The following TMEM132D variants were observed in gnomAD, a reference collection of about 807,000 sequenced individuals.
The protein encoded by TMEM132D is mature OL transmembrane protein.
Under a neutral mutation model 62.3 loss-of-function variants are expected in TMEM132D, and 21 were observed. That is an observed-to-expected ratio of 0.34 (90% CI 0.24 to 0.49). The LOEUF (loss-of-function observed/expected upper bound fraction) is 0.49, where lower values mean the gene tolerates loss of function less well. TMEM132D is among the 20% of genes least tolerant of loss of function. The probability of loss-of-function intolerance (pLI) is 0.99; values close to 1 mark genes in which losing one functional copy is unlikely to be tolerated. For synonymous variants in TMEM132D, 621 were observed against 575.6 expected (o/e 1.08, Z -1.13); for missense variants, 1,346 against 1,402.8 (o/e 0.96, Z 0.65).
chr12:129,198,235 T>G (rs1878601055), intron 5 of TMEM132D, among the ~76,000 whole-genome samples: 1 of 152,190 alleles, frequency 6.6e-6, no homozygotes, highest in Non-Finnish European at 1.5e-5. Context: ...GGTGGTACAG[T>G]CATTATGGAG....
At chr12:129,800,330 G>C (rs1186774459) in intron 1 of TMEM132D, among the ~76,000 whole-genome samples, 2 of 151,430 alleles carry the variant, frequency 1.3e-5, no homozygotes, top group Non-Finnish European at 2.9e-5. Context: ...TGCGGGCAGA[G>C]AGTGTCAAAA....
intron 5 of TMEM132D, among the ~76,000 whole-genome samples, chr12:129,114,178 T>G (rs1320531797): frequency 2.0e-5 from 3 of 152,202 alleles, no homozygotes; most frequent in Non-Finnish European, 4.4e-5. Flanking sequence ...GCCAGGGATC[T>G]TTGGATGGGA....
intron 5 of TMEM132D, among the ~76,000 whole-genome samples, chr12:129,177,650 T>A (rs908896984): frequency 6.6e-6 from 1 of 152,192 alleles, no homozygotes; most frequent in East Asian, 1.9e-4. Context: ...TCCAGCTACT[T>A]GGGAGGCTGA....
intron 2 of TMEM132D, among the ~76,000 whole-genome samples, chr12:129,598,955 A>C (rs1457206965): frequency 6.6e-6 from 1 of 152,174 alleles, no homozygotes; most frequent in Non-Finnish European, 1.5e-5. Flanking sequence ...CTTAGAAATG[A>C]ATATCTAATG....
intron 5 of TMEM132D, among the ~76,000 whole-genome samples, chr12:129,185,773 G>GTCTGTCTA (rs796145548): frequency 1.0e-3 from 140 of 136,018 alleles, no homozygotes; most frequent in Middle Eastern, 3.6e-3. Flanking sequence ...CTGTCTGTCT[G>GTCTGTCTA]TCTATCTATC....
chr12:129,350,069 G>T (rs1869816540), intron 3 of TMEM132D, among the ~76,000 whole-genome samples: 1 of 152,210 alleles, frequency 6.6e-6, no homozygotes, highest in Admixed American at 6.5e-5. Context: ...GGTTCGAGTG[G>T]TCCCTAAGGG....
At chr12:129,317,153 C>T (rs1164951261) in intron 4 of TMEM132D, among the ~76,000 whole-genome samples, 2 of 152,142 alleles carry the variant, frequency 1.3e-5, no homozygotes, top group Non-Finnish European at 2.9e-5. Flanking sequence ...GAGGTACCCT[C>T]GCATTCATCA....
At chr12:129,291,217 G>C (rs536963236) in intron 4 of TMEM132D, among the ~76,000 whole-genome samples, 1 of 152,162 alleles carries the variant, frequency 6.6e-6, no homozygotes, top group African/African-American at 2.4e-5. Flanking sequence ...ATATTATGCA[G>C]CCCTAATTTT....
At chr12:129,304,171 CAG>C (rs1881787704) in intron 4 of TMEM132D, among the ~76,000 whole-genome samples, 1 of 152,244 alleles carries the variant, frequency 6.6e-6, no homozygotes, top group African/African-American at 2.4e-5. Flanking sequence ...AGTCTGTAAG[CAG>C]AGTCATTGAC....
At chr12:129,811,129 T>A (rs1872164139) in intron 1 of TMEM132D, among the ~76,000 whole-genome samples, 1 of 151,848 alleles carries the variant, frequency 6.6e-6, no homozygotes, top group African/African-American at 2.4e-5. Context: ...ATTTGTCATA[T>A]CTTTTTAAGA....
intron 1 of TMEM132D, among the ~76,000 whole-genome samples, chr12:129,865,455 C>G (rs933256736): frequency 6.6e-6 from 1 of 152,164 alleles, no homozygotes; most frequent in African/African-American, 2.4e-5. Context: ...GAGTTCCCTC[C>G]AAACTCCGTG....
At chr12:129,804,025 A>C (rs372101560) in intron 1 of TMEM132D, among the ~76,000 whole-genome samples, 1 of 108,332 alleles carries the variant, frequency 9.2e-6, no homozygotes, top group African/African-American at 3.4e-5. Flanking sequence ...CAATAACAGG[A>C]TCTGAAATTG....
At chr12:129,268,404 C>A (rs1418237273) in intron 4 of TMEM132D, among the ~76,000 whole-genome samples, 1 of 152,166 alleles carries the variant, frequency 6.6e-6, no homozygotes, top group African/African-American at 2.4e-5. Flanking sequence ...CAAAAGAAGA[C>A]ATTTATGCAG....
chr12:129,607,939 T>A (rs1403741709), intron 2 of TMEM132D, among the ~76,000 whole-genome samples: 1 of 152,174 alleles, frequency 6.6e-6, no homozygotes, highest in African/African-American at 2.4e-5. Flanking sequence ...TTGTACCAGA[T>A]AATCACACTC....
chr12:129,787,237 T>G (rs540011451), intron 1 of TMEM132D, among the ~76,000 whole-genome samples: 273 of 152,324 alleles, frequency 1.8e-3, no homozygotes, highest in African/African-American at 6.2e-3. Flanking sequence ...TTTTGGCTTC[T>G]TATAGTTGAT....
chr12:129,719,929 C>T (rs970890747), intron 1 of TMEM132D, among the ~76,000 whole-genome samples: 4 of 152,072 alleles, frequency 2.6e-5, no homozygotes, highest in Admixed American at 1.3e-4. Context: ...TGGAATTTGC[C>T]ATTCAAATTT....
chr12:129,305,922 T>C (rs1433481040), intron 4 of TMEM132D, among the ~76,000 whole-genome samples: 1 of 152,322 alleles, frequency 6.6e-6, no homozygotes, highest in East Asian at 1.9e-4. Context: ...AAATCATAAT[T>C]AGAACTGTTA....
Position 129,580,730 on chromosome 12 carries a change from A to AAAATAAATAAAT in TMEM132D, c.969-49537_969-49526dup, listed in dbSNP as rs10623142. Among the ~76,000 whole-genome samples the AAAATAAATAAAT allele has an allele frequency of 1.3e-3, 158 of 124,444 alleles. 1 individual carries two copies. Among genetic ancestry groups the AAAATAAATAAAT allele is most frequent in the African/African-American group, 1.5e-3 (51 of 34,100 alleles). The allele number at this position is 124,444 out of a possible 152,430, so 81.6% of individuals were successfully genotyped here. ...AAATAAATAAATAAATAAGTAAATA[A>AAAATAAATAAAT]AAATAAATAAATAAATAAATAAATA... On this transcript the variant is annotated intron_variant, in intron 2 of 8. Coordinates refer to ENST00000422113, the MANE Select transcript of TMEM132D (RefSeq NM_133448.3).
At position 129,385,694 on chromosome 12, in the gene TMEM132D, CT is replaced by C. The variant is rs1330912868; in HGVS notation, c.1116-47878del. Among the ~76,000 whole-genome samples the C allele has an allele frequency of 3.3e-5, 5 of 152,338 alleles. No homozygotes were observed. The East Asian group carries it at 7.7e-4, about 23-fold the overall frequency. On this transcript the variant is annotated intron_variant, in intron 3 of 8. Transcript: ENST00000422113. ...AGATAAGATTAACTGCTAAAAATGT[CT>C]CTCCACTTTATCTTTAGGTTTAATA...
Sources: allele counts gnomAD v4.1 joint callset (sites outside exome capture counted in the v4.1 genomes callset), GRCh38; gene constraint gnomAD v4.1.1; transcripts MANE v1.5; gene names NCBI Gene and HGNC (gene_info 2026-07-23, HGNC 2026-07-21).